ZMYM5: variants seen among roughly 807,000 people sequenced by gnomAD.
ZMYM5 encodes the protein zinc finger MYM-type containing 5.
Under a neutral mutation model 61.8 loss-of-function variants are expected in ZMYM5, and 41 were observed. That is an observed-to-expected ratio of 0.66 (90% CI 0.52 to 0.86). ZMYM5 has a LOEUF of 0.86. ZMYM5 is among the 40% of genes least tolerant of loss of function. ZMYM5 has a pLI of 0.00. For missense variants in ZMYM5, 706 were observed against 786.7 expected (o/e 0.90, Z 1.23); for synonymous variants, 257 against 276.4 (o/e 0.93, Z 0.70).
Position 19,825,174 on chromosome 13 carries a change from C to G in ZMYM5, c.1313G>C (p.Arg438Thr), listed in dbSNP as rs1196089869. ...ATATAATTGTTTCTCATTTTCTTCT[C>G]TAAAAGCATTCCTTTTTCTATTTTC... Reference protein sequence around the residue: ...ASENRKRNAFREENEKQLYGS... With the variant: ...ASENRKRNAFTEENEKQLYGS... The change falls in exon 8 of 8, where the codon AGA becomes ACA. Residue 438 changes from arginine to threonine, a missense_variant. Around this residue, in one of 2 missense-constraint regions of ZMYM5, gnomAD observed 226 missense variants for 325.0 expected, o/e 0.70. Transcript: ENST00000337963. 7.7e-7 allele frequency: 1 copy of G among 1,297,672 alleles called. No homozygotes were observed. The highest frequency in any genetic ancestry group is 1.0e-6 in the Non-Finnish European group (1 of 989,572). The allele number at this position is 1,297,672 out of a possible 1,614,324, so 80.4% of individuals were successfully genotyped here.
At chr13:19,834,225 G>A (rs952157108) in intron 7 of ZMYM5, among the ~76,000 whole-genome samples, 19 of 152,044 alleles carry the variant, frequency 1.2e-4, no homozygotes, top group African/African-American at 4.1e-4. Flanking sequence ...TGATCCATCC[G>A]CCTTGGCCTC....
chr13:19,847,642 CTTTTTTT>C (rs61154366), intron 4 of ZMYM5, among the ~76,000 whole-genome samples: 3 of 140,758 alleles, frequency 2.1e-5, no homozygotes, highest in East Asian at 2.0e-4. Context: ...TTTAATTTTT[CTTTTTTT>C]TTTTTTTCTG....
intron 4 of ZMYM5, among the ~76,000 whole-genome samples, chr13:19,845,784 C>T (rs1221003749): frequency 6.6e-6 from 1 of 152,180 alleles, no homozygotes; most frequent in Non-Finnish European, 1.5e-5. Context: ...GGCCAGCTTT[C>T]AGTGGAAGCA....
intron 7 of ZMYM5, among the ~76,000 whole-genome samples, chr13:19,831,814 A>C (rs78609895): frequency 6.7e-6 from 1 of 148,606 alleles, no homozygotes; most frequent in African/African-American, 2.5e-5. Context: ...AAAAAAAAAA[A>C]CCATATGTAT....
At chr13:19,844,865 C>T (rs1465207509) in intron 4 of ZMYM5, among the ~76,000 whole-genome samples, 3 of 152,154 alleles carry the variant, frequency 2.0e-5, no homozygotes, top group Non-Finnish European at 4.4e-5. Context: ...TCAAGTGATC[C>T]ACCCGCTTCG....
At chr13:19,832,147 C>A (rs1483975851) in intron 7 of ZMYM5, among the ~76,000 whole-genome samples, 1 of 151,692 alleles carries the variant, frequency 6.6e-6, no homozygotes, top group Non-Finnish European at 1.5e-5. Flanking sequence ...CGTGAGGCAC[C>A]CTGCCTGGCT....
In ZMYM5 at chr13:19,838,719, G is replaced by A. The variant is rs373394663; in HGVS notation, c.853C>T (p.Arg285Ter). ...GCTTACTTTTTACATATTATGCTTC[G>A]TGTGTTTTGAGTACGTTTATGAGAG... ...SFSHKRTQNT[R>*]SIICKKDAST... The change falls in exon 5 of 8, where the codon CGA (arginine) becomes TGA (stop). Residue 285 changes from arginine (R) to a stop codon, truncating the protein, a stop_gained. Coordinates refer to ENST00000337963, the MANE Select transcript of ZMYM5 (RefSeq NM_001142684.2). LOFTEE classifies it high-confidence loss of function. The A allele has an allele frequency of 2.2e-5, 35 of 1,614,008 alleles. No homozygotes were observed. The highest frequency in any genetic ancestry group is 3.3e-5 in the Admixed American group (2 of 59,984).
chr13:19,851,979 G>T lies in ZMYM5; in HGVS notation c.202C>A (p.Pro68Thr), dbSNP rs1593906051. The T allele has an allele frequency of 6.2e-7, 1 of 1,614,010 alleles. No homozygotes were observed. The highest frequency in any genetic ancestry group is 8.5e-7 in the Non-Finnish European group (1 of 1,179,998). ...ATTGCTGGAGCAGAAATTGAAGGAG[G>T]TTGTATAGATTCAATAAACACAACA... is the stretch of plus-strand genomic sequence containing the variant. ...DDVVFIESIQ[P>T]PSISAPAIAD... The change falls in exon 3 of 8, where the codon CCT becomes ACT. Residue 68 changes from proline to threonine, a missense_variant. Physicochemically the swap from Pro to Thr is conservative, Grantham distance 38. Coordinates refer to ENST00000337963, the MANE Select transcript of ZMYM5 (RefSeq NM_001142684.2).
chr13:19,825,644 C>T (rs1229176453), intron 7 of ZMYM5, among the ~76,000 whole-genome samples: 1 of 149,262 alleles, frequency 6.7e-6, no homozygotes, highest in Non-Finnish European at 1.5e-5. Flanking sequence ...GAGACCCTGT[C>T]CCAAAAGAAG....
chr13:19,846,563 G>T (rs1953079858), intron 4 of ZMYM5, among the ~76,000 whole-genome samples: 1 of 151,936 alleles, frequency 6.6e-6, no homozygotes, highest in African/African-American at 2.4e-5. Flanking sequence ...AAAAAAAAAG[G>T]CGAATTTTTG....
chr13:19,829,751 T>C (rs7999177), intron 7 of ZMYM5, among the ~76,000 whole-genome samples: 103,158 of 152,032 alleles, frequency 0.68, 38,101 homozygotes, highest in East Asian at 0.89. Flanking sequence ...CACACCACCA[T>C]GCCCAGCACT....
At chr13:19,853,897 C>G (rs1006217732) in intron 2 of ZMYM5, among the ~76,000 whole-genome samples, 1 of 151,868 alleles carries the variant, frequency 6.6e-6, no homozygotes, top group Admixed American at 6.6e-5. Context: ...CCTCAATTTT[C>G]TGAGTAGAAA....
At chr13:19,847,112 T>C (rs1167110633) in intron 4 of ZMYM5, among the ~76,000 whole-genome samples, 1 of 152,038 alleles carries the variant, frequency 6.6e-6, no homozygotes, top group African/African-American at 2.4e-5. Flanking sequence ...CACACCCAGC[T>C]AATTTTTTGC....
intron 2 of ZMYM5, among the ~76,000 whole-genome samples, chr13:19,861,984 T>C (rs1235820208): frequency 2.6e-5 from 4 of 152,160 alleles, no homozygotes; most frequent in Non-Finnish European, 4.4e-5. Flanking sequence ...CCTCGTGTGA[T>C]GCTAGCTGGA....
At chr13:19,833,630 T>G (rs1952589336) in intron 7 of ZMYM5, among the ~76,000 whole-genome samples, 1 of 152,050 alleles carries the variant, frequency 6.6e-6, no homozygotes, top group South Asian at 2.1e-4. Flanking sequence ...GCCTAAAAAA[T>G]AAAAGCTAAA....
In ZMYM5 at chr13:19,824,148, A is replaced by T. The variant is rs1019187968; in HGVS notation, c.*329T>A. On this transcript the variant is annotated 3_prime_UTR_variant, in exon 8 of 8. Transcript: ENST00000337963. ...GCCATTGCGCCCGGCCAAGAACAGA[A>T]TATTAACCAAACCCATCAAATGGCA... 1.3e-5 allele frequency: 2 copies of T among 155,968 alleles called. No individual in the cohort carries two copies. Among genetic ancestry groups the T allele is most frequent in the African/African-American group, 4.8e-5 (2 of 41,490 alleles). 9.7% of individuals were successfully genotyped at this position (155,968 alleles called of 1,614,324 possible).
chr13:19,830,860 GAC>G (rs1891175023), intron 7 of ZMYM5, among the ~76,000 whole-genome samples: 1 of 133,646 alleles, frequency 7.5e-6, no homozygotes, highest in Non-Finnish European at 1.6e-5. Flanking sequence ...TTTTTTTTGA[GAC>G]AGAGTCTCGC....
rs528439184 is a variant in ZMYM5, at chr13:19,854,260, G to A, written c.-10-2070C>T. ...CTTGACCTCGTGATCCACCCACCTC[G>A]GCCTCCCAAAGTGCTGGGATAAGAG... is the stretch of plus-strand genomic sequence containing the variant. On this transcript the variant is annotated intron_variant, in intron 2 of 7. Coordinates refer to ENST00000337963, the MANE Select transcript of ZMYM5 (RefSeq NM_001142684.2). 2.6e-5 allele frequency among the ~76,000 whole-genome samples: 4 copies of A among 151,810 alleles called. No individual in the cohort carries two copies. The East Asian group carries it at 7.8e-4, about 30-fold the overall frequency.
chr13:19,841,243 T>A (rs749227747), intron 4 of ZMYM5, among the ~76,000 whole-genome samples: 9 of 152,192 alleles, frequency 5.9e-5, no homozygotes, highest in Non-Finnish European at 8.8e-5. Flanking sequence ...ATTACAGGCG[T>A]GAGCCACTGG....
Sources: allele counts gnomAD v4.1 joint callset (sites outside exome capture counted in the v4.1 genomes callset), GRCh38; gene constraint gnomAD v4.1.1; regional missense constraint gnomAD v4.1.1; transcripts MANE v1.5; gene names NCBI Gene and HGNC (gene_info 2026-07-23, HGNC 2026-07-21).